The following GSAP variants were observed in gnomAD, a reference collection of about 807,000 sequenced individuals.
The protein encoded by GSAP is gamma-secretase-activating protein.
Under a neutral mutation model 131.7 loss-of-function variants are expected in GSAP, and 118 were observed. The ratio of observed to expected loss-of-function variants is 0.90; its 90% CI spans 0.77 to 1.04. GSAP has a LOEUF of 1.04. Ranked by LOEUF, GSAP falls within the 50% of genes least tolerant of loss-of-function variation. GSAP has a pLI of 0.00. For missense variants in GSAP, 1,019 were observed against 1,013.2 expected (o/e 1.01, Z -0.08); for synonymous variants, 381 against 363.4 (o/e 1.05, Z -0.55).
chr7:77,387,325 T>G, intron 6 of GSAP, 35 bp downstream of exon 6: 1 of 1,044,996 alleles, frequency 9.6e-7, no homozygotes, highest in Admixed American at 1.7e-5. Context: ...GCCTTTTGAT[T>G]AATGAGATAA....
intron 19 of GSAP, among the ~76,000 whole-genome samples, chr7:77,333,950 A>G (rs1456772196): frequency 6.6e-6 from 1 of 152,180 alleles, no homozygotes; most frequent in East Asian, 1.9e-4. Flanking sequence ...AGAAATAGAA[A>G]TGCTTTCACA....
rs140543605 is a variant in GSAP, at chr7:77,322,323, G to A, written c.1924-920C>T. 9.5e-3 allele frequency among the ~76,000 whole-genome samples: 1,450 copies of A among 152,286 alleles called. 12 individuals are homozygous for A. Among genetic ancestry groups the A allele is most frequent in the Non-Finnish European group, 0.014 (919 of 68,018 alleles). ...GCATGACTAGTGGCTGCTGGGCAGG[G>A]GCAGGGAGATGTGGCCTCAATCAGT... On this transcript the variant is annotated intron_variant, in intron 24 of 30. Coordinates refer to ENST00000257626, the MANE Select transcript of GSAP (RefSeq NM_017439.4).
intron 17 of GSAP, 93 bp downstream of exon 17, chr7:77,353,479 G>A (rs1793202770): frequency 5.8e-6 from 4 of 691,616 alleles, no homozygotes; most frequent in African/African-American, 1.8e-5. Flanking sequence ...AGTAGCATTT[G>A]GACAGGTTGA....
At chr7:77,380,470 A>G (rs1797625959) in intron 8 of GSAP, among the ~76,000 whole-genome samples, 1 of 152,208 alleles carries the variant, frequency 6.6e-6, no homozygotes, top group African/African-American at 2.4e-5. Flanking sequence ...ATGATTTATA[A>G]TTCAAAAGCA....
At chr7:77,371,115 T>C (rs1326948475) in intron 12 of GSAP, among the ~76,000 whole-genome samples, 3 of 152,190 alleles carry the variant, frequency 2.0e-5, no homozygotes, top group Non-Finnish European at 4.4e-5. Flanking sequence ...TGACCCCTCT[T>C]CTAAGCTCCA....
At chr7:77,401,314 A>G (rs1053784605) in intron 3 of GSAP, among the ~76,000 whole-genome samples, 1 of 152,162 alleles carries the variant, frequency 6.6e-6, no homozygotes, top group Non-Finnish European at 1.5e-5. Flanking sequence ...ACTTCAGAAA[A>G]CTAAGGAGAA....
chr7:77,372,746 A>C (rs562938049), intron 12 of GSAP, among the ~76,000 whole-genome samples: 9 of 152,230 alleles, frequency 5.9e-5, no homozygotes, highest in Non-Finnish European at 4.4e-5. Flanking sequence ...AGTAACAAAA[A>C]ATACCCTTCA....
At chr7:77,363,770 A>T (rs1794867265) in intron 12 of GSAP, among the ~76,000 whole-genome samples, 1 of 152,240 alleles carries the variant, frequency 6.6e-6, no homozygotes, top group South Asian at 2.1e-4. Context: ...GAATAACTTC[A>T]TCAGATAACA....
chr7:77,370,532 C>A (rs1412108150), intron 12 of GSAP, among the ~76,000 whole-genome samples: 1 of 152,090 alleles, frequency 6.6e-6, no homozygotes, highest in Non-Finnish European at 1.5e-5. Context: ...CATGTGAGCT[C>A]CGGATCCCAT....
At chr7:77,317,599 C>T (rs545906693) in intron 26 of GSAP, among the ~76,000 whole-genome samples, 5 of 152,292 alleles carry the variant, frequency 3.3e-5, no homozygotes, top group South Asian at 2.1e-4. Context: ...TAATAATTCT[C>T]GATCACTATG....
intron 5 of GSAP, among the ~76,000 whole-genome samples, chr7:77,388,026 T>C (rs79575495): frequency 0.012 from 1,755 of 152,364 alleles, 33 homozygotes; most frequent in African/African-American, 0.04. Context: ...GTCTGAACTT[T>C]CTGAAAATAT....
At chr7:77,351,211 C>A in intron 18 of GSAP, 1 of 982,734 alleles carries the variant, frequency 1.0e-6, no homozygotes, top group South Asian at 4.7e-5. Flanking sequence ...TCATTTATCA[C>A]TACAGAGGAT....
intron 1 of GSAP, among the ~76,000 whole-genome samples, chr7:77,406,818 A>T (rs1022464842): frequency 6.6e-6 from 1 of 152,222 alleles, no homozygotes; most frequent in African/African-American, 2.4e-5. Context: ...GAGGGTAGGG[A>T]GAGGGAGAAG....
intron 18 of GSAP, among the ~76,000 whole-genome samples, chr7:77,352,578 T>TAC (rs995266227): frequency 1.8e-4 from 28 of 152,188 alleles, no homozygotes; most frequent in Non-Finnish European, 3.5e-4. Context: ...GGTCCTTATC[T>TAC]ACCAAGTATG....
chr7:77,412,709 T>C (rs1002238649), intron 1 of GSAP, among the ~76,000 whole-genome samples: 3 of 147,384 alleles, frequency 2.0e-5, no homozygotes, highest in African/African-American at 7.6e-5. Flanking sequence ...GAGATTCAAG[T>C]GGCCAGTAAA....
At chr7:77,369,834 T>A (rs909838404) in intron 12 of GSAP, among the ~76,000 whole-genome samples, 25 of 152,020 alleles carry the variant, frequency 1.6e-4, no homozygotes, top group Admixed American at 1.5e-3. Context: ...AATTTCTTAG[T>A]CAAAAAACAA....
chr7:77,365,665 G>A (rs1172823798), intron 12 of GSAP, among the ~76,000 whole-genome samples: 1 of 152,028 alleles, frequency 6.6e-6, no homozygotes, highest in Non-Finnish European at 1.5e-5. Context: ...CCATGTCTTT[G>A]CTAACATGAA....
intron 5 of GSAP, among the ~76,000 whole-genome samples, chr7:77,392,001 G>A (rs928224117): frequency 6.6e-6 from 1 of 152,084 alleles, no homozygotes; most frequent in Non-Finnish European, 1.5e-5. Flanking sequence ...AAGGCGGGTG[G>A]ATCACCTGAG....
chr7:77,337,236 T>A (rs919670368), intron 19 of GSAP, among the ~76,000 whole-genome samples: 1 of 114,920 alleles, frequency 8.7e-6, no homozygotes, highest in Admixed American at 1.3e-4. Context: ...CACTACAACC[T>A]CCACCTCCCA....
Sources: gnomAD v4.1 joint callset for allele counts (sites outside exome capture counted in the v4.1 genomes callset) on GRCh38, gnomAD v4.1.1 for gene constraint, MANE v1.5 for transcripts, NCBI Gene and HGNC (gene_info 2026-07-23, HGNC 2026-07-21) for gene names.